Variants in SIPA1L2 observed in about 807,000 individuals in gnomAD.
SIPA1L2 encodes signal induced proliferation associated 1 like 2.
Under a neutral mutation model 163.9 loss-of-function variants are expected in SIPA1L2, and 56 were observed. The observed-to-expected ratio is 0.34, with a 90% confidence interval of 0.28 to 0.43. SIPA1L2 has a LOEUF of 0.43. SIPA1L2 is among the 20% of genes least tolerant of loss of function. The pLI, the probability that SIPA1L2 is intolerant of heterozygous loss-of-function variation, is 1.00. For missense variants in SIPA1L2, 1,974 were observed against 2,193.5 expected (o/e 0.90, Z 2.00); for synonymous variants, 877 against 865.7 (o/e 1.01, Z -0.23).
At chr1:232,536,028 A>G (rs1376067193) in intron 2 of SIPA1L2, among the ~76,000 whole-genome samples, 1 of 152,200 alleles carries the variant, frequency 6.6e-6, no homozygotes, top group African/African-American at 2.4e-5. Flanking sequence ...GACAGAGCAA[A>G]GGGCACACAC....
At chr1:232,416,175 C>T (rs1661252701) in intron 18 of SIPA1L2, among the ~76,000 whole-genome samples, 1 of 152,144 alleles carries the variant, frequency 6.6e-6, no homozygotes, top group Non-Finnish European at 1.5e-5. Flanking sequence ...GAGCACAGCA[C>T]AGGCAATGCT....
chr1:232,500,037 G>T (rs548851715), intron 3 of SIPA1L2, among the ~76,000 whole-genome samples: 1 of 152,242 alleles, frequency 6.6e-6, no homozygotes, highest in South Asian at 2.1e-4. Flanking sequence ...GAGTACAGTG[G>T]CACGATCTTG....
chr1:232,428,350 CTTTTTTT>C lies in SIPA1L2; in HGVS notation c.4410+54_4410+60del, dbSNP rs34949132. 6.2e-5 allele frequency: 52 copies of C among 838,066 alleles called. No individual in the cohort carries two copies. The South Asian group carries it at 1.2e-3, about 19-fold the overall frequency. 51.9% of individuals were successfully genotyped at this position (838,066 alleles called of 1,614,324 possible). On this transcript the variant is annotated intron_variant, in intron 17 of 22. Transcript: ENST00000674635. Reference sequence around the variant, plus strand: ...CTGGAAACCTCTGAGTTTCTTTAGACTTTTTTTTTTTTTTTTTTTTTAGTGTTTCTGG... The same window carrying C: ...CTGGAAACCTCTGAGTTTCTTTAGACTTTTTTTTTTTTTTAGTGTTTCTGG...
chr1:232,513,761 T>C (rs1431076905), intron 3 of SIPA1L2, 96 bp downstream of exon 3: 12 of 1,323,116 alleles, frequency 9.1e-6, no homozygotes, highest in Non-Finnish European at 1.2e-5. Context: ...CCTTGGACAC[T>C]CTGAGGAAGG....
intron 3 of SIPA1L2, among the ~76,000 whole-genome samples, chr1:232,503,436 C>T (rs930455765): frequency 6.6e-5 from 10 of 152,192 alleles, no homozygotes; most frequent in African/African-American, 2.2e-4. Context: ...TAAGTGGTAA[C>T]TCACTAATGA....
intron 1 of SIPA1L2, among the ~76,000 whole-genome samples, chr1:232,616,475 G>T (rs1662502576): frequency 6.6e-6 from 1 of 152,202 alleles, no homozygotes; most frequent in African/African-American, 2.4e-5. Flanking sequence ...TTTAGGTGAT[G>T]CACACCTGGG....
intron 2 of SIPA1L2, among the ~76,000 whole-genome samples, chr1:232,527,827 A>C (rs1344468824): frequency 7.1e-6 from 1 of 140,878 alleles, no homozygotes; most frequent in Non-Finnish European, 1.5e-5. Context: ...AAACTCCTGG[A>C]CTCAAGCGAT....
chr1:232,548,524 T>C (rs1269755015), intron 2 of SIPA1L2, among the ~76,000 whole-genome samples: 1 of 152,190 alleles, frequency 6.6e-6, no homozygotes, highest in African/African-American at 2.4e-5. Flanking sequence ...CAATGGTAAG[T>C]TCAATATACT....
At chr1:232,543,793 A>T (rs895895958) in intron 2 of SIPA1L2, among the ~76,000 whole-genome samples, 1 of 152,174 alleles carries the variant, frequency 6.6e-6, no homozygotes. Flanking sequence ...CAGTGAGCCC[A>T]GGAGTTTGAG....
intron 1 of SIPA1L2, among the ~76,000 whole-genome samples, chr1:232,582,264 AC>A (rs1003728690): frequency 2.9e-4 from 44 of 152,146 alleles, no homozygotes; most frequent in Admixed American, 2.7e-3. Context: ...TGAGCACAGT[AC>A]CCAAGAGATA....
intron 1 of SIPA1L2, among the ~76,000 whole-genome samples, chr1:232,595,203 T>C (rs1214541506): frequency 6.6e-6 from 1 of 152,200 alleles, no homozygotes; most frequent in African/African-American, 2.4e-5. Context: ...GGTCTGGCCC[T>C]CAGTGTCTTC....
chr1:232,495,148 T>C (rs1447124640), intron 3 of SIPA1L2, among the ~76,000 whole-genome samples: 1 of 152,228 alleles, frequency 6.6e-6, no homozygotes, highest in Non-Finnish European at 1.5e-5. Context: ...TAATGAATAC[T>C]GGCTAGACCT....
chr1:232,403,108 C>T (rs993379391), intron 21 of SIPA1L2, among the ~76,000 whole-genome samples: 7 of 152,334 alleles, frequency 4.6e-5, no homozygotes, highest in African/African-American at 1.4e-4. Flanking sequence ...CGAGTTATCC[C>T]TGCATGGTGC....
At chr1:232,484,477 T>C (rs1665545082) in intron 5 of SIPA1L2, among the ~76,000 whole-genome samples, 1 of 152,208 alleles carries the variant, frequency 6.6e-6, no homozygotes, top group Non-Finnish European at 1.5e-5. Flanking sequence ...CTGGTAAGGG[T>C]AGGATTCCAA....
In SIPA1L2 at chr1:232,572,085, C is replaced by T. The variant is rs115378618; in HGVS notation, c.-270+2089G>A. Among the ~76,000 whole-genome samples, 475 of 152,252 alleles carry T rather than the reference C, an allele frequency of 3.1e-3. 3 individuals are homozygous for T. The highest frequency in any genetic ancestry group is 0.01 in the African/African-American group (428 of 41,552). ...CTGGAGACCATGTCCTCTAGGTACA[C>T]GTCTGTATACACCTGACTAAGGAAA... On this transcript the variant is annotated intron_variant, in intron 2 of 22. Transcript: ENST00000674635.
intron 3 of SIPA1L2, among the ~76,000 whole-genome samples, chr1:232,505,366 TC>T (rs1385726201): frequency 2.0e-5 from 3 of 152,220 alleles, no homozygotes; most frequent in Non-Finnish European, 2.9e-5. Flanking sequence ...GACCTTTACT[TC>T]CAACTTACTG....
At chr1:232,601,225 G>A (rs1661580878) in intron 1 of SIPA1L2, among the ~76,000 whole-genome samples, 2 of 152,056 alleles carry the variant, frequency 1.3e-5, no homozygotes. Flanking sequence ...TCAACTTTAG[G>A]GACTCAAAAA....
At chr1:232,491,426 T>A (rs979519619) in intron 4 of SIPA1L2, among the ~76,000 whole-genome samples, 5 of 152,188 alleles carry the variant, frequency 3.3e-5, no homozygotes, top group African/African-American at 1.2e-4. Context: ...GACCTGACCA[T>A]GATCACCCTT....
At chr1:232,495,815 C>CA (rs1290099196) in intron 3 of SIPA1L2, among the ~76,000 whole-genome samples, 1 of 150,418 alleles carries the variant, frequency 6.6e-6, no homozygotes, top group African/African-American at 2.4e-5. Context: ...TACTCAAAGC[C>CA]AAAAAAAAGT....
Sources: allele counts gnomAD v4.1 joint callset (sites outside exome capture counted in the v4.1 genomes callset), GRCh38; gene constraint gnomAD v4.1.1; transcripts MANE v1.5; gene names NCBI Gene and HGNC (gene_info 2026-07-23, HGNC 2026-07-21).